UNC5A: variants seen among roughly 807,000 people sequenced by gnomAD.
UNC5A encodes netrin receptor UNC5A.
A neutral mutation model predicts 87.4 loss-of-function variants in UNC5A; 20 were observed. That is an observed-to-expected ratio of 0.23 (90% CI 0.16 to 0.33). The LOEUF is 0.33. UNC5A is among the 10% of genes least tolerant of loss of function. The pLI, the probability that UNC5A is intolerant of heterozygous loss-of-function variation, is 1.00. For synonymous variants in UNC5A, 438 were observed against 482.3 expected, an observed-to-expected ratio of 0.91 and a Z score of 1.20; for missense variants, 844 against 1,133.4, an observed-to-expected ratio of 0.74 and a Z score of 3.67.
chr5:176,829,188 GGATGGATGGATGGATGGTTGGATGGA>G (rs1756930483), intron 1 of UNC5A, among the ~76,000 whole-genome samples: 2 of 23,246 alleles, frequency 8.6e-5, no homozygotes, highest in Non-Finnish European at 1.6e-3. Context: ...ATGGATGGAT[GGATGGATGGATGGATGGTTGGATGGA>G]TGGGTGGATG....
Position 176,824,532 on chromosome 5 carries a change from C to G in UNC5A, c.70+13712C>G, listed in dbSNP as rs1433935176. Among the ~76,000 whole-genome samples, 1 of 151,838 alleles carries G rather than the reference C, an allele frequency of 6.6e-6. No homozygotes were observed. Among genetic ancestry groups the G allele is most frequent in the African/African-American group, 2.4e-5 (1 of 41,312 alleles). On this transcript the variant is annotated intron_variant, in intron 1 of 14. Transcript: ENST00000329542. This position sits in a 1 kb window ranked among gnomAD's most constrained non-coding sequence, Gnocchi z 4.2. The stretch of plus-strand genomic sequence containing the variant: ...GGTGGCAGCAGGCAGGGCATTTAGC[C>G]CCCACGCGGCAGATAGAACATTCTA...
At chr5:176,818,326 A>T (rs1416673198) in intron 1 of UNC5A, among the ~76,000 whole-genome samples, 1 of 152,206 alleles carries the variant, frequency 6.6e-6, no homozygotes, top group African/African-American at 2.4e-5. Context: ...GACTTGCCCC[A>T]GGTCCCGGCT....
At chr5:176,862,963 G>C in intron 2 of UNC5A, 118 bp downstream of exon 2, 7 of 1,193,934 alleles carry the variant, frequency 5.9e-6, no homozygotes, top group Non-Finnish European at 8.4e-6. Context: ...GCCTTCCCCA[G>C]AGGCCACAAC....
chr5:176,859,586 GT>G (rs1757779199), intron 1 of UNC5A, among the ~76,000 whole-genome samples: 1 of 73,030 alleles, frequency 1.4e-5, no homozygotes, highest in African/African-American at 3.0e-5. Flanking sequence ...CTGCTAGAAT[GT>G]CCTTGCTAGA....
At chr5:176,878,697 A>T (rs1427885450) in intron 13 of UNC5A, 58 bp downstream of exon 13, 1 of 1,564,148 alleles carries the variant, frequency 6.4e-7, no homozygotes, top group African/African-American at 1.3e-5. Flanking sequence ...ACTCCCCACC[A>T]GCCCCCAAAA....
intron 1 of UNC5A, among the ~76,000 whole-genome samples, chr5:176,814,048 C>G (rs938777020): frequency 6.6e-6 from 1 of 152,196 alleles, no homozygotes; most frequent in Non-Finnish European, 1.5e-5. Flanking sequence ...TAATATGTCA[C>G]CAAGTCCTCC....
At chr5:176,842,236 G>T (rs1757295259) in intron 1 of UNC5A, among the ~76,000 whole-genome samples, 1 of 152,210 alleles carries the variant, frequency 6.6e-6, no homozygotes, top group African/African-American at 2.4e-5. Context: ...TGTTGGCATG[G>T]ATGTGGTGAT....
In UNC5A at chr5:176,877,720, C is replaced by T. The variant is rs749784301; in HGVS notation, c.1635+17C>T. 1.9e-6 allele frequency: 3 copies of T among 1,579,576 alleles called. No homozygotes were observed. The East Asian group carries it at 6.8e-5, about 36-fold the overall frequency. On this transcript the variant is annotated intron_variant, in intron 10 of 14. Coordinates refer to ENST00000329542, the MANE Select transcript of UNC5A (RefSeq NM_133369.3). ...AGCTGGGAGGTGAGCAGGGAACTGA[C>T]CCGGGCTCCAGAAGGGAACGTGGGC...
intron 1 of UNC5A, among the ~76,000 whole-genome samples, chr5:176,840,367 CG>C (rs1757246353): frequency 6.6e-6 from 1 of 152,062 alleles, no homozygotes; most frequent in Non-Finnish European, 1.5e-5. Context: ...GGCTGTGAGT[CG>C]GGGGAGGGGC....
At chr5:176,853,357 G>A (rs1216679722) in intron 1 of UNC5A, among the ~76,000 whole-genome samples, 1 of 152,204 alleles carries the variant, frequency 6.6e-6, no homozygotes, top group Admixed American at 6.5e-5. Context: ...GCGGGCAAGG[G>A]ACCAGCGGTG....
At chr5:176,845,913 G>T (rs1423698350) in intron 1 of UNC5A, among the ~76,000 whole-genome samples, 1 of 152,238 alleles carries the variant, frequency 6.6e-6, no homozygotes, top group Admixed American at 6.5e-5. Context: ...AAGCAGGACT[G>T]AGCAGAGCAC....
rs115543673 is a variant in UNC5A, at chr5:176,811,922, A to T, written c.70+1102A>T. Among the ~76,000 whole-genome samples the T allele has an allele frequency of 8.4e-3, 1,277 of 152,142 alleles. 22 individuals carry two copies. Among genetic ancestry groups the T allele is most frequent in the African/African-American group, 0.029 (1,221 of 41,494 alleles). On this transcript the variant is annotated intron_variant, in intron 1 of 14. Transcript: ENST00000329542. ...AGCTGCCAAACCAGATTGATCAGAG[A>T]TCAATGAGTGGGAGCTCAGGAGCCA...
chr5:176,833,548 C>A (rs1757074811), intron 1 of UNC5A, among the ~76,000 whole-genome samples: 1 of 152,182 alleles, frequency 6.6e-6, no homozygotes, highest in African/African-American at 2.4e-5. Context: ...CGCCAGCCCA[C>A]AATCTTTAGG....
chr5:176,850,070 T>C (rs1757506841), intron 1 of UNC5A, among the ~76,000 whole-genome samples: 1 of 152,210 alleles, frequency 6.6e-6, no homozygotes, highest in South Asian at 2.1e-4. Flanking sequence ...AGCAGGATCA[T>C]GGGAGGCCGA....
intron 1 of UNC5A, among the ~76,000 whole-genome samples, chr5:176,850,548 C>T (rs1453659326): frequency 6.7e-5 from 10 of 149,710 alleles, no homozygotes; most frequent in Non-Finnish European, 8.9e-5. Flanking sequence ...GCGCAGGCAG[C>T]GAGGGTGGGC....
rs755927583 is a variant in UNC5A at position 176,877,267 on chromosome 5, C to T, written c.1454C>T (p.Pro485Leu). ...IYEIYLTLHK[P>L]EDVRLPLAGC... ...GAGATCTACCTCACGCTGCACAAGCCGGAAGACGTGAGGTGTGGCCGCGGG... is the reference window on the plus strand; with the variant it reads ...GAGATCTACCTCACGCTGCACAAGCTGGAAGACGTGAGGTGTGGCCGCGGG... Residue 485 changes from proline to leucine, a missense_variant, in exon 9 of 15, where the codon CCG (proline) becomes CTG (leucine). By Grantham distance (98) the Pro-to-Leu change is moderately conservative. Around this residue, in one of 3 missense-constraint regions of UNC5A, gnomAD observed 353 missense variants for 387.5 expected, o/e 0.91. Transcript: ENST00000329542. The T allele has an allele frequency of 1.3e-5, 21 of 1,612,324 alleles. No individual in the cohort carries two copies. In the East Asian group the frequency reaches 1.6e-4, roughly 12 times the overall value.
chr5:176,832,235 G>T (rs1050300743), intron 1 of UNC5A, among the ~76,000 whole-genome samples: 2 of 152,114 alleles, frequency 1.3e-5, no homozygotes, highest in Non-Finnish European at 2.9e-5. Flanking sequence ...AGAGTTTGGA[G>T]GAGGTGCCGT....
intron 9 of UNC5A, 102 bp downstream of exon 9, chr5:176,877,381 C>A: frequency 7.3e-7 from 1 of 1,363,762 alleles, no homozygotes; most frequent in Non-Finnish European, 1.0e-6. Context: ...TGGCCCGAGG[C>A]GGCGGGGGAA....
intron 1 of UNC5A, among the ~76,000 whole-genome samples, chr5:176,814,027 C>T (rs917152159): frequency 6.6e-6 from 1 of 152,206 alleles, no homozygotes; most frequent in Non-Finnish European, 1.5e-5. Context: ...TTCTCTCTCA[C>T]GCTTCACATC....
Sources: allele counts gnomAD v4.1 joint callset (sites outside exome capture counted in the v4.1 genomes callset), GRCh38; gene constraint gnomAD v4.1.1; regional missense constraint gnomAD v4.1.1; non-coding constraint Gnocchi (gnomAD v3.1); transcripts MANE v1.5; gene names NCBI Gene and HGNC (gene_info 2026-07-23, HGNC 2026-07-21).